The following WNK2 variants were observed in gnomAD, a reference collection of about 807,000 sequenced individuals.
WNK2 encodes serine/threonine-protein kinase WNK2.
Under a neutral mutation model 192.1 loss-of-function variants are expected in WNK2, and 67 were observed. The observed-to-expected ratio is 0.35, with a 90% CI of 0.29 to 0.43. The LOEUF (loss-of-function observed/expected upper bound fraction) is 0.43, where lower values mean the gene tolerates loss of function less well. Among genes scored for constraint, WNK2 ranks in the 20% least tolerant of loss-of-function variants. The pLI, the probability that WNK2 is intolerant of heterozygous loss-of-function variation, is 1.00. For missense variants in WNK2, 2,698 were observed against 3,089.7 expected (o/e 0.87, Z 3.01); for synonymous variants, 1,439 against 1,393.9 (o/e 1.03, Z -0.72).
intron 16 of WNK2, among the ~76,000 whole-genome samples, chr9:93,265,983 T>C (rs1251251093): frequency 6.6e-6 from 1 of 152,242 alleles, no homozygotes; most frequent in East Asian, 1.9e-4. Flanking sequence ...CTCCTCTCAT[T>C]TTATTGCTTT....
rs146248437 is a variant in WNK2 at position 93,262,696 on chromosome 9, C to T, written c.3387C>T (p.Pro1129=). The change falls in exon 14 of 30, where the codon CCC becomes CCT. Residue 1129 remains proline (P), a synonymous_variant. Transcript: ENST00000427277. ...AGCAGGCCTCACAGGACAAGCCGCCCGGCCTCCCGCAGAGCTGTGAGAGGT... is the reference window on the plus strand; with the variant it reads ...AGCAGGCCTCACAGGACAAGCCGCCTGGCCTCCCGCAGAGCTGTGAGAGGT... The part of the protein sequence containing the change: ...QEEQASQDKP[P]GLPQSCESYG... 18 of 1,612,310 alleles carry T rather than the reference C, an allele frequency of 1.1e-5. No individual in the cohort carries two copies. The African/African-American group carries it at 1.2e-4, about 11-fold the overall frequency.
chr9:93,251,650 T>C (rs1317675248), intron 8 of WNK2, among the ~76,000 whole-genome samples: 3 of 152,112 alleles, frequency 2.0e-5, no homozygotes, highest in Non-Finnish European at 1.5e-5. Flanking sequence ...GTCAAGGCTG[T>C]AGTGAGCCGT....
At chr9:93,254,510 C>T (rs1250324560) in intron 9 of WNK2, among the ~76,000 whole-genome samples, 3 of 152,210 alleles carry the variant, frequency 2.0e-5, no homozygotes, top group Admixed American at 2.0e-4. Flanking sequence ...CCTGCTCAGT[C>T]GGAAGGGTCC....
At chr9:93,194,916 G>A (rs1245972510) in intron 2 of WNK2, among the ~76,000 whole-genome samples, 1 of 152,036 alleles carries the variant, frequency 6.6e-6, no homozygotes, top group East Asian at 1.9e-4. Flanking sequence ...ACAGAGAGGA[G>A]CCAGAAATGA....
intron 19 of WNK2, 153 bp downstream of exon 19, chr9:93,268,899 G>A (rs143160734): frequency 1.9e-6 from 3 of 1,565,932 alleles, no homozygotes; most frequent in African/African-American, 1.4e-5. Context: ...CTGTGGGGCT[G>A]TGTTCCTATC....
At chr9:93,194,733 G>C (rs552143576) in intron 2 of WNK2, among the ~76,000 whole-genome samples, 1 of 152,260 alleles carries the variant, frequency 6.6e-6, no homozygotes, top group African/African-American at 2.4e-5. Context: ...AAAAACTTAG[G>C]TCCACACAAA....
chr9:93,289,078 G>A lies in WNK2; in HGVS notation c.4324G>A (p.Ala1442Thr). 6.2e-7 allele frequency: 1 copy of A among 1,607,454 alleles called. No individual in the cohort carries two copies. Among genetic ancestry groups the A allele is most frequent in the Non-Finnish European group, 8.5e-7 (1 of 1,177,470 alleles). The change falls in exon 20 of 30, where the codon GCC becomes ACC. Residue 1442 changes from alanine (A) to threonine (T), a missense_variant. By Grantham distance (58) the Ala-to-Thr change is moderately conservative. This residue lies in a region of WNK2 where 1,098 missense variants were observed against 1,101.0 expected (regional missense o/e 1.00). Transcript: ENST00000427277. ...TCAGCCACTAGCGGAGACTCACGAG[G>A]CCCCGCTTGCTGTGCAGCCCCTCGT... Reference protein sequence around the residue: ...TSQPLAETHEAPLAVQPLVVG... With the variant: ...TSQPLAETHETPLAVQPLVVG...
intron 23 of WNK2, among the ~76,000 whole-genome samples, chr9:93,294,741 G>A (rs1326602584): frequency 6.6e-6 from 1 of 152,114 alleles, no homozygotes; most frequent in Admixed American, 6.5e-5. Flanking sequence ...ACTAGAAATG[G>A]CAGAAGTGAT....
At chr9:93,268,885 C>T (rs1360992834) in intron 19 of WNK2, 139 bp downstream of exon 19, 1 of 1,570,704 alleles carries the variant, frequency 6.4e-7, no homozygotes, top group Non-Finnish European at 8.6e-7. Flanking sequence ...TGGCGCAGAG[C>T]AGCCTGTGGG....
At chr9:93,245,185 ATTTTCCACGAACCATTTG>A (rs1424478955) in intron 7 of WNK2, among the ~76,000 whole-genome samples, 1 of 152,202 alleles carries the variant, frequency 6.6e-6, no homozygotes, top group African/African-American at 2.4e-5. Context: ...AGAACCATTT[ATTTTCCACGAACCATTTG>A]AGACTAAGTG....
chr9:93,214,004 A>T (rs1000125374), intron 2 of WNK2, among the ~76,000 whole-genome samples: 1 of 152,172 alleles, frequency 6.6e-6, no homozygotes, highest in Non-Finnish European at 1.5e-5. Context: ...TTTATATCCC[A>T]TATGACATTA....
intron 19 of WNK2, among the ~76,000 whole-genome samples, chr9:93,273,607 T>C (rs891473516): frequency 6.6e-6 from 1 of 152,164 alleles, no homozygotes; most frequent in Admixed American, 6.5e-5. Flanking sequence ...TCTCGATAGA[T>C]AGAACTAGTA....
intron 19 of WNK2, among the ~76,000 whole-genome samples, chr9:93,284,092 AC>A (rs1848103501): frequency 6.6e-6 from 1 of 151,820 alleles, no homozygotes; most frequent in Non-Finnish European, 1.5e-5. Flanking sequence ...AGGGGGAAAA[AC>A]CCTTCCTATA....
chr9:93,231,558 C>T (rs1483539609), intron 4 of WNK2, among the ~76,000 whole-genome samples: 2 of 152,164 alleles, frequency 1.3e-5, no homozygotes, highest in Non-Finnish European at 2.9e-5. Flanking sequence ...AGGTTTGTGG[C>T]CAGTGACGCT....
chr9:93,270,019 C>T (rs983413606), intron 19 of WNK2, among the ~76,000 whole-genome samples: 1 of 152,196 alleles, frequency 6.6e-6, no homozygotes, highest in East Asian at 1.9e-4. Flanking sequence ...AGTTTTGGCT[C>T]CTTTTCCCCA....
At chr9:93,233,182 G>A (rs1175483305) in intron 4 of WNK2, among the ~76,000 whole-genome samples, 1 of 134,584 alleles carries the variant, frequency 7.4e-6, no homozygotes, top group African/African-American at 2.9e-5. Context: ...TGGGCGACAG[G>A]GCACGATCCA....
At chr9:93,230,299 G>T (rs970358464) in intron 3 of WNK2, among the ~76,000 whole-genome samples, 6 of 152,136 alleles carry the variant, frequency 3.9e-5, no homozygotes, top group African/African-American at 1.4e-4. Context: ...CTGTATCCTG[G>T]GTCCATCTGA....
chr9:93,246,224 CG>C (rs1006427533), intron 7 of WNK2, among the ~76,000 whole-genome samples: 20 of 152,316 alleles, frequency 1.3e-4, no homozygotes, highest in Admixed American at 9.8e-4. Flanking sequence ...GCTCCCGTGC[CG>C]TTTTGCACGT....
chr9:93,192,314 G>GA lies in WNK2; in HGVS notation c.681+6716dup, dbSNP rs1052238373. Reference sequence around the variant, plus strand: ...GCGACAGAGCGAGACTCCGTCTCAAGAAAAAAAAAAAAGAGAGAGAGAGAA... The same window carrying GA: ...GCGACAGAGCGAGACTCCGTCTCAAGAAAAAAAAAAAAAGAGAGAGAGAGAA... On this transcript the variant is annotated intron_variant, in intron 2 of 29. Coordinates refer to ENST00000427277, the MANE Select transcript of WNK2 (RefSeq NM_006648.4). 7.2e-3 allele frequency among the ~76,000 whole-genome samples: 980 copies of GA among 136,126 alleles called. 9 individuals are homozygous for GA. Among genetic ancestry groups the GA allele is most frequent in the African/African-American group, 0.023 (855 of 37,206 alleles). 89.3% of individuals were successfully genotyped at this position (136,126 alleles called of 152,430 possible).
Sources: gnomAD v4.1 joint callset for allele counts (sites outside exome capture counted in the v4.1 genomes callset) on GRCh38, gnomAD v4.1.1 for gene constraint, gnomAD v4.1.1 regional missense constraint, MANE v1.5 for transcripts, NCBI Gene and HGNC (gene_info 2026-07-23, HGNC 2026-07-21) for gene names.